Variants in IL1RAPL2 observed in about 807,000 individuals in gnomAD.
IL1RAPL2 encodes the protein interleukin 1 receptor accessory protein like 2.
IL1RAPL2 carries 3 observed loss-of-function variants against 44.1 expected under a neutral mutation model. The observed-to-expected ratio is 0.07, with a 90% CI of 0.03 to 0.18. The LOEUF (loss-of-function observed/expected upper bound fraction) is 0.18. Among genes scored for constraint, IL1RAPL2 ranks in the 10% least tolerant of loss-of-function variants. The probability of loss-of-function intolerance (pLI) is 1.00; values close to 1 mark genes in which losing one functional copy is unlikely to be tolerated. For missense variants in IL1RAPL2, 391 were observed against 496.4 expected (o/e 0.79, Z 2.02); for synonymous variants, 181 against 178.8 (o/e 1.01, Z -0.10).
intron 5 of IL1RAPL2, among the ~76,000 whole-genome samples, chrX:105,461,961 T>C (rs925136100): frequency 8.1e-5 from 9 of 111,290 alleles, no homozygotes; most frequent in African/African-American, 1.6e-4. Flanking sequence ...ACTATGTATC[T>C]TGTTAAAGAT....
At chrX:105,478,783 GCA>G (rs1216702862) in intron 5 of IL1RAPL2, among the ~76,000 whole-genome samples, 1 of 111,750 alleles carries the variant, frequency 8.9e-6, no homozygotes, top group Non-Finnish European at 1.9e-5. Flanking sequence ...GCTATGGGAA[GCA>G]CAGTTTTTTA....
intron 2 of IL1RAPL2, among the ~76,000 whole-genome samples, chrX:105,114,187 G>A (rs1385963159): frequency 8.9e-6 from 1 of 111,759 alleles, no homozygotes; most frequent in Admixed American, 9.5e-5. Context: ...ACCTCAAAGA[G>A]TTCCCTAAGC....
intron 2 of IL1RAPL2, among the ~76,000 whole-genome samples, chrX:105,047,965 A>G (rs1344369331): frequency 2.7e-5 from 3 of 111,742 alleles, no homozygotes; most frequent in East Asian, 5.6e-4. Flanking sequence ...AACAAACCCA[A>G]TGAAAGCATG....
intron 2 of IL1RAPL2, among the ~76,000 whole-genome samples, chrX:104,831,127 C>T: frequency 1.8e-5 from 2 of 111,587 alleles, no homozygotes; most frequent in South Asian, 7.5e-4. Flanking sequence ...AATTATTAAA[C>T]AATAACTATG....
chrX:105,046,239 T>C (rs1454241561), intron 2 of IL1RAPL2, among the ~76,000 whole-genome samples: 2 of 111,297 alleles, frequency 1.8e-5, no homozygotes, highest in Non-Finnish European at 3.8e-5. Context: ...TCCTGAAAAA[T>C]AGATGGAAAG....
chrX:105,614,446 G>T (rs747601410), intron 6 of IL1RAPL2, among the ~76,000 whole-genome samples: 3 of 111,713 alleles, frequency 2.7e-5, no homozygotes, highest in African/African-American at 9.8e-5. Context: ...AAAACAGGAT[G>T]GTACTGGCAT....
intron 6 of IL1RAPL2, among the ~76,000 whole-genome samples, chrX:105,540,884 T>A (rs1441140321): frequency 7.5e-4 from 39 of 51,844 alleles, no homozygotes; most frequent in African/African-American, 2.1e-3. Context: ...ATACATATAT[T>A]ATATATGATA....
intron 2 of IL1RAPL2, among the ~76,000 whole-genome samples, chrX:105,146,624 T>C (rs2033181782): frequency 8.9e-6 from 1 of 111,734 alleles, no homozygotes; most frequent in African/African-American, 3.3e-5. Context: ...TGATCTTTAG[T>C]ATATTCACAG....
In IL1RAPL2 at chrX:104,595,538, C is replaced by T. The variant is rs184009124; in HGVS notation, c.-20+28487C>T. Among the ~76,000 whole-genome samples, 6 of 111,655 alleles carry T rather than the reference C, an allele frequency of 5.4e-5. No individual in the cohort carries two copies. In the East Asian group the frequency reaches 1.7e-3, roughly 32 times the overall value. ...GTATATGTAATGTATTTAAATTTTG[C>T]AAGTCTTCTGGATGCTTGACCTAGA... On this transcript the variant is annotated intron_variant, in intron 1 of 10. Coordinates refer to ENST00000372582, the MANE Select transcript of IL1RAPL2 (RefSeq NM_017416.2).
intron 2 of IL1RAPL2, among the ~76,000 whole-genome samples, chrX:104,895,915 C>T (rs1369277657): frequency 8.9e-6 from 1 of 111,806 alleles, no homozygotes; most frequent in Non-Finnish European, 1.9e-5. Context: ...TCCTATTTGG[C>T]CATCTTGGAA....
chrX:104,686,167 A>G (rs1434954807), intron 2 of IL1RAPL2, among the ~76,000 whole-genome samples: 1 of 111,029 alleles, frequency 9.0e-6, no homozygotes, highest in East Asian at 2.8e-4. Context: ...TTGTGTATTT[A>G]AGTTTAAAGG....
intron 10 of IL1RAPL2, among the ~76,000 whole-genome samples, chrX:105,764,060 T>C (rs2038709454): frequency 9.0e-6 from 1 of 111,213 alleles, no homozygotes; most frequent in South Asian, 3.8e-4. Context: ...CAGCAGGAAT[T>C]ATCTGGATGG....
intron 2 of IL1RAPL2, among the ~76,000 whole-genome samples, chrX:104,959,556 A>T (rs1456717833): frequency 9.0e-6 from 1 of 111,662 alleles, no homozygotes; most frequent in African/African-American, 3.3e-5. Flanking sequence ...GCTGTCAGGA[A>T]GATATGCCTC....
chrX:105,008,587 A>G (rs886753765), intron 2 of IL1RAPL2, among the ~76,000 whole-genome samples: 2 of 111,181 alleles, frequency 1.8e-5, no homozygotes, highest in Non-Finnish European at 3.8e-5. Flanking sequence ...CTTACACCTT[A>G]TACAAAAATT....
chrX:105,684,285 G>A (rs2037950610), intron 6 of IL1RAPL2, among the ~76,000 whole-genome samples: 1 of 112,521 alleles, frequency 8.9e-6, no homozygotes, highest in Non-Finnish European at 1.9e-5. Flanking sequence ...CTAGCCAAGG[G>A]AAGCTGTGAC....
intron 2 of IL1RAPL2, among the ~76,000 whole-genome samples, chrX:104,916,584 G>A (rs1924442826): frequency 9.0e-6 from 1 of 111,159 alleles, no homozygotes; most frequent in Admixed American, 9.6e-5. Context: ...TGATTGCCCT[G>A]GCCAGACCTT....
chrX:105,646,975 G>C (rs1397529491), intron 6 of IL1RAPL2, among the ~76,000 whole-genome samples: 3 of 112,519 alleles, frequency 2.7e-5, no homozygotes, highest in Non-Finnish European at 5.6e-5. Context: ...CTCTGACTTG[G>C]GGTTCTTGGC....
chrX:105,044,331 G>A (rs768175979), intron 2 of IL1RAPL2, among the ~76,000 whole-genome samples: 5 of 110,922 alleles, frequency 4.5e-5, no homozygotes, highest in Admixed American at 9.7e-5. Flanking sequence ...TAGATATGGT[G>A]AACTGAACAT....
intron 2 of IL1RAPL2, among the ~76,000 whole-genome samples, chrX:104,908,754 A>T (rs755237217): frequency 9.3e-6 from 1 of 108,108 alleles, no homozygotes; most frequent in African/African-American, 3.4e-5. Context: ...CTTCATTTCA[A>T]CTTTGGTGAA....
Sources: gnomAD v4.1 joint callset for allele counts (sites outside exome capture counted in the v4.1 genomes callset) on GRCh38, gnomAD v4.1.1 for gene constraint, MANE v1.5 for transcripts, NCBI Gene and HGNC (gene_info 2026-07-23, HGNC 2026-07-21) for gene names.